The following ASAP2 variants were observed in gnomAD, a reference collection of about 807,000 sequenced individuals.
ASAP2 encodes the protein arf-GAP with SH3 domain, ANK repeat and PH domain-containing protein 2.
ASAP2 carries 45 observed loss-of-function variants against 131.4 expected under a neutral mutation model. The ratio of observed to expected loss-of-function variants is 0.34; its 90% CI spans 0.27 to 0.44. ASAP2 has a LOEUF of 0.44. Among genes scored for constraint, ASAP2 ranks in the 20% least tolerant of loss-of-function variants. The pLI is 1.00. For missense variants in ASAP2, 1,011 were observed against 1,297.0 expected (o/e 0.78, Z 3.39); for synonymous variants, 510 against 503.0 (o/e 1.01, Z -0.19).
chr2:9,372,613 C>T (rs572546575), intron 16 of ASAP2, among the ~76,000 whole-genome samples: 10 of 152,148 alleles, frequency 6.6e-5, no homozygotes, highest in African/African-American at 2.2e-4. Flanking sequence ...GAAATATGAG[C>T]GATGCATACA....
chr2:9,229,977 A>G (rs1663046211), intron 1 of ASAP2, among the ~76,000 whole-genome samples: 1 of 152,238 alleles, frequency 6.6e-6, no homozygotes, highest in East Asian at 1.9e-4. Context: ...TGGAGCAAGG[A>G]AGGTCCTAGC....
rs1477912437 is a variant in ASAP2 at position 9,377,056 on chromosome 2, G to A, written c.1832+63G>A. ...CCTTGGTATTTCTGGGGAAGGAATC[G>A]GACGCTGCCTCATCGCTTCTGATGT... On this transcript the variant is annotated intron_variant, in intron 18 of 27. Transcript: ENST00000281419. The A allele has an allele frequency of 3.1e-5, 43 of 1,393,560 alleles. No individual in the cohort carries two copies. In the Middle Eastern group the frequency reaches 1.1e-3, roughly 34 times the overall value. The allele number at this position is 1,393,560 out of a possible 1,614,324, so 86.3% of individuals were successfully genotyped here.
At chr2:9,283,912 C>T (rs1453142423) in intron 2 of ASAP2, among the ~76,000 whole-genome samples, 1 of 152,136 alleles carries the variant, frequency 6.6e-6, no homozygotes, top group African/African-American at 2.4e-5. Context: ...TTATGCTTCC[C>T]GATGGCCCCA....
chr2:9,379,247 A>G (rs1227114426), intron 19 of ASAP2, among the ~76,000 whole-genome samples, 188 bp downstream of exon 19: 1 of 152,208 alleles, frequency 6.6e-6, no homozygotes, highest in Admixed American at 6.5e-5. Flanking sequence ...CGCATTCACC[A>G]TCTGTTACTT....
chr2:9,212,157 T>C (rs1372434102), intron 1 of ASAP2, among the ~76,000 whole-genome samples: 1 of 152,110 alleles, frequency 6.6e-6, no homozygotes, highest in South Asian at 2.1e-4. Flanking sequence ...AGTCCTTCAG[T>C]GTGCTGGGCT....
intron 9 of ASAP2, among the ~76,000 whole-genome samples, chr2:9,339,368 A>G (rs1671430830): frequency 6.6e-6 from 1 of 152,126 alleles, no homozygotes; most frequent in South Asian, 2.1e-4. Flanking sequence ...GACACTGGGC[A>G]GGTTCCTGGA....
rs72773365 is a variant in ASAP2, at chr2:9,242,140, T to G, written c.126+34910T>G. Among the ~76,000 whole-genome samples the G allele has an allele frequency of 8.0e-3, 1,212 of 152,308 alleles. 6 individuals carry two copies. The highest frequency in any genetic ancestry group is 0.015 in the Non-Finnish European group (1,015 of 68,040). On this transcript the variant is annotated intron_variant, in intron 1 of 27. Coordinates refer to ENST00000281419, the MANE Select transcript of ASAP2 (RefSeq NM_003887.3). ...AGAGAGGGGGGAGGTCTGTGCTCTG[T>G]GCTGGAATGAAACTTTTTTTTTATT...
At chr2:9,373,193 G>A (rs1425170891) in intron 16 of ASAP2, among the ~76,000 whole-genome samples, 4 of 152,240 alleles carry the variant, frequency 2.6e-5, no homozygotes, top group Admixed American at 6.5e-5. Context: ...AACTGGAGCC[G>A]GAGCAGGAGG....
intron 1 of ASAP2, among the ~76,000 whole-genome samples, chr2:9,270,784 C>CCTT: frequency 1.4e-5 from 1 of 69,740 alleles, no homozygotes; most frequent in South Asian, 4.0e-4. Context: ...CAATTGTTTT[C>CCTT]ATTTTTTTTT....
chr2:9,385,630 G>C (rs1343761088), intron 21 of ASAP2, among the ~76,000 whole-genome samples: 1 of 152,104 alleles, frequency 6.6e-6, no homozygotes, highest in Non-Finnish European at 1.5e-5. Flanking sequence ...GTGGCGGGGG[G>C]GTTGATTCCA....
At chr2:9,382,268 G>A (rs1674921013) in intron 20 of ASAP2, among the ~76,000 whole-genome samples, 1 of 152,178 alleles carries the variant, frequency 6.6e-6, no homozygotes, top group Non-Finnish European at 1.5e-5. Context: ...ATAGGCGTGA[G>A]CCACCACACC....
intron 2 of ASAP2, among the ~76,000 whole-genome samples, chr2:9,290,952 GTT>G (rs1667770913): frequency 6.6e-6 from 1 of 152,138 alleles, no homozygotes; most frequent in African/African-American, 2.4e-5. Context: ...CCCCACCACT[GTT>G]AGCATTTTGA....
intron 9 of ASAP2, 59 bp downstream of exon 9, chr2:9,335,238 T>C (rs1214681306): frequency 6.7e-7 from 1 of 1,493,302 alleles, no homozygotes; most frequent in Non-Finnish European, 9.3e-7. Flanking sequence ...AGGCTTTGGG[T>C]CTGAAGAACA....
At chr2:9,275,668 G>A (rs898853488) in intron 1 of ASAP2, among the ~76,000 whole-genome samples, 6 of 152,036 alleles carry the variant, frequency 3.9e-5, no homozygotes, top group East Asian at 1.9e-4. Context: ...CACAGCTCCC[G>A]TTTCCCCTCT....
chr2:9,236,448 T>C (rs1489350854), intron 1 of ASAP2, among the ~76,000 whole-genome samples: 1 of 152,208 alleles, frequency 6.6e-6, no homozygotes, highest in African/African-American at 2.4e-5. Context: ...GTATGCCAGA[T>C]GAACTTTTTA....
chr2:9,221,323 C>CTTTTTTTTTTTTTTT (rs35784307), intron 1 of ASAP2, among the ~76,000 whole-genome samples: 1 of 132,014 alleles, frequency 7.6e-6, no homozygotes, highest in African/African-American at 2.8e-5. Context: ...CTTTTCTTTT[C>CTTTTTTTTTTTTTTT]TTTTTTTTTT....
chr2:9,260,027 G>T (rs571269836), intron 1 of ASAP2, among the ~76,000 whole-genome samples: 2 of 112,984 alleles, frequency 1.8e-5, no homozygotes, highest in East Asian at 4.0e-4. Flanking sequence ...AAGGCCCCAG[G>T]CAGGCTGGCC....
chr2:9,401,467 G>A (rs549060394), intron 27 of ASAP2, 71 bp downstream of exon 27: 518 of 1,557,896 alleles, frequency 3.3e-4, no homozygotes, highest in Middle Eastern at 2.2e-3. Flanking sequence ...CTGGAGAGAC[G>A]GGCTTGCAGG....
intron 11 of ASAP2, among the ~76,000 whole-genome samples, chr2:9,349,654 C>T (rs1672203734): frequency 6.6e-6 from 1 of 152,200 alleles, no homozygotes; most frequent in African/African-American, 2.4e-5. Flanking sequence ...AGCCACGAAC[C>T]AGGAGAGTCT....
Sources: allele counts gnomAD v4.1 joint callset (sites outside exome capture counted in the v4.1 genomes callset), GRCh38; gene constraint gnomAD v4.1.1; transcripts MANE v1.5; gene names NCBI Gene and HGNC (gene_info 2026-07-23, HGNC 2026-07-21).